TENT5C: variants seen among roughly 807,000 people sequenced by gnomAD.
TENT5C encodes the protein family with sequence similarity 46 member C.
In TENT5C, 5 loss-of-function variants were observed where a neutral mutation model predicts 22.2. The observed-to-expected ratio is 0.22, with a 90% confidence interval of 0.12 to 0.47. The LOEUF (loss-of-function observed/expected upper bound fraction) is 0.47, where lower values mean the gene tolerates loss of function less well. Ranked by LOEUF, TENT5C falls within the 20% of genes least tolerant of loss-of-function variation. The probability of loss-of-function intolerance (pLI) is 0.99; values close to 1 mark genes in which losing one functional copy is unlikely to be tolerated. For synonymous variants in TENT5C, 199 were observed against 195.4 expected (o/e 1.02, Z -0.15); for missense variants, 364 against 500.9 (o/e 0.73, Z 2.61).
At chr1:117,612,608 G>C (rs552777789) in intron 1 of TENT5C, among the ~76,000 whole-genome samples, 38 of 152,294 alleles carry the variant, frequency 2.5e-4, no homozygotes, top group African/African-American at 9.1e-4. Context: ...CGCAGTACCT[G>C]GAGGCCCGGA....
chr1:117,620,531 C>T (rs1417636820), intron 1 of TENT5C, among the ~76,000 whole-genome samples: 3 of 152,148 alleles, frequency 2.0e-5, no homozygotes, highest in Admixed American at 6.5e-5. Flanking sequence ...AAGCCAGCCC[C>T]GTAACTTTCT....
rs1177041297 is a variant in TENT5C at position 117,624,555 on chromosome 1, T to C, written c.*511T>C. The C allele has an allele frequency of 4.0e-6, 1 of 249,668 alleles. No individual in the cohort carries two copies. Among genetic ancestry groups the C allele is most frequent in the Non-Finnish European group, 8.4e-6 (1 of 119,312 alleles). 15.5% of individuals were successfully genotyped at this position (249,668 alleles called of 1,614,324 possible). A position where few individuals can be genotyped will look rare whatever the true frequency, so the allele number is the denominator to read the frequency against. On this transcript the variant is annotated 3_prime_UTR_variant, in exon 2 of 2. Transcript: ENST00000369448. ...TAAACATGAGGGTGCTCTTGTGACT[T>C]AATTTTTGTTCAAGGGACTAAATTG...
intron 1 of TENT5C, among the ~76,000 whole-genome samples, chr1:117,621,250 G>T (rs1570862865): frequency 6.6e-6 from 1 of 152,102 alleles, no homozygotes; most frequent in Admixed American, 6.5e-5. Context: ...CACATACTCA[G>T]CCCGCTGCTT....
At chr1:117,622,620 C>A (rs987180685) in intron 1 of TENT5C, among the ~76,000 whole-genome samples, 13 of 152,178 alleles carry the variant, frequency 8.5e-5, no homozygotes, top group African/African-American at 2.7e-4. Flanking sequence ...ATGAAATAAT[C>A]TAAAGTAATA....
At chr1:117,622,781 C>T (rs1653922514) in intron 1 of TENT5C, 61 bp from the exon 2 acceptor site, 2 of 1,158,296 alleles carry the variant, frequency 1.7e-6, no homozygotes, top group Admixed American at 4.2e-5. Flanking sequence ...GTGTGAGTTC[C>T]TCGAGCTGCT....
At chr1:117,617,596 A>G (rs1052741967) in intron 1 of TENT5C, among the ~76,000 whole-genome samples, 1 of 152,220 alleles carries the variant, frequency 6.6e-6, no homozygotes, top group African/African-American at 2.4e-5. Context: ...AAACAGTAAA[A>G]GGGAAATGAA....
chr1:117,624,166 T>TC lies in TENT5C; in HGVS notation c.*122_*123insC. The TC allele has an allele frequency of 1.9e-6, 1 of 537,880 alleles. No homozygotes were observed. Among genetic ancestry groups the TC allele is most frequent in the Non-Finnish European group, 2.9e-6 (1 of 340,494 alleles). 33.3% of individuals were successfully genotyped at this position (537,880 alleles called of 1,614,324 possible). On this transcript the variant is annotated 3_prime_UTR_variant, in exon 2 of 2. Coordinates refer to ENST00000369448, the MANE Select transcript of TENT5C (RefSeq NM_017709.4). ...AGGGGAACTCAGCTCTGATTCTGCTTTTTTTTTTTTTTTTCCTTTGTGTAC... is the reference window on the plus strand; with the variant it reads ...AGGGGAACTCAGCTCTGATTCTGCTTCTTTTTTTTTTTTTTCCTTTGTGTAC...
intron 1 of TENT5C, among the ~76,000 whole-genome samples, chr1:117,618,541 A>G (rs1425303451): frequency 1.3e-5 from 2 of 148,526 alleles, no homozygotes; most frequent in African/African-American, 4.9e-5. Context: ...GAAGCTTCCA[A>G]GTGTACTTAA....
intron 1 of TENT5C, among the ~76,000 whole-genome samples, chr1:117,612,403 A>G (rs1653689433): frequency 6.6e-6 from 1 of 151,912 alleles, no homozygotes; most frequent in Admixed American, 6.6e-5. Flanking sequence ...TAGAATTTCA[A>G]GGAACTGCTG....
intron 1 of TENT5C, among the ~76,000 whole-genome samples, chr1:117,615,372 T>C (rs1174351597): frequency 6.6e-6 from 1 of 152,222 alleles, no homozygotes; most frequent in Admixed American, 6.5e-5. Flanking sequence ...CAGTTTACAA[T>C]TTGCACATCC....
Position 117,623,272 on chromosome 1 carries a change from A to G in TENT5C, c.404A>G (p.Lys135Arg), listed in dbSNP as rs2101080003. The G allele has an allele frequency of 1.9e-6, 3 of 1,614,158 alleles. No individual in the cohort carries two copies. Among genetic ancestry groups the G allele is most frequent in the African/African-American group, 2.7e-5 (2 of 75,042 alleles). The change falls in exon 2 of 2, where the codon AAG becomes AGG. Residue 135 changes from lysine (K) to arginine (R), a missense_variant. Lys to Arg is a conservative substitution (Grantham distance 26). Coordinates refer to ENST00000369448, the MANE Select transcript of TENT5C (RefSeq NM_017709.4). Reference protein sequence around the residue: ...NKLKISPVTLKEAYVQKLVKV... With the variant: ...NKLKISPVTLREAYVQKLVKV... Reference sequence around the variant, plus strand: ...CTCAAAATCAGTCCAGTCACTCTGAAGGAGGCATATGTGCAGAAGCTAGTG... The same window carrying G: ...CTCAAAATCAGTCCAGTCACTCTGAGGGAGGCATATGTGCAGAAGCTAGTG...
chr1:117,606,610 C>G (rs903657836), intron 1 of TENT5C, among the ~76,000 whole-genome samples: 1 of 152,182 alleles, frequency 6.6e-6, no homozygotes, highest in Non-Finnish European at 1.5e-5. Flanking sequence ...GGGCTCGCCC[C>G]GGCGCTCCCG....
rs752792421 is a variant in TENT5C at position 117,623,563 on chromosome 1, C to T, written c.695C>T (p.Ala232Val). ...GACCATCTGCAGAACAGACTGATCGCCACCAAGAACCCAGAAGAAATCAGA... is the reference window on the plus strand; with the variant it reads ...GACCATCTGCAGAACAGACTGATCGTCACCAAGAACCCAGAAGAAATCAGA... ...AFDHLQNRLI[A>V]TKNPEEIRGG... The change falls in exon 2 of 2, where the codon GCC becomes GTC. Residue 232 changes from alanine to valine, a missense_variant. Transcript: ENST00000369448. 4 of 1,613,988 alleles carry T rather than the reference C, an allele frequency of 2.5e-6. No individual in the cohort carries two copies. The highest frequency in any genetic ancestry group is 1.3e-5 in the African/African-American group (1 of 74,988).
intron 1 of TENT5C, among the ~76,000 whole-genome samples, chr1:117,611,739 C>T (rs768210415): frequency 6.6e-6 from 1 of 152,008 alleles, no homozygotes; most frequent in Non-Finnish European, 1.5e-5. Context: ...ACCAGCTACT[C>T]AGGAGGCTGA....
In TENT5C at chr1:117,622,858, A is replaced by G; in HGVS notation, c.-11A>G. ...CACTTTCAGTTTCCCCAGCCAGAAC[A>G]TCCCCTGAAGATGGCAGAGGAGAGC... On this transcript the variant is annotated 5_prime_UTR_variant, in exon 2 of 2. Transcript: ENST00000369448. 1 of 1,601,988 alleles carries G rather than the reference A, an allele frequency of 6.2e-7. No individual in the cohort carries two copies. Among genetic ancestry groups the G allele is most frequent in the Non-Finnish European group, 8.5e-7 (1 of 1,170,022 alleles).
rs1191724503 is a variant in TENT5C, at chr1:117,625,578, T to A, written c.*1534T>A. The A allele has an allele frequency of 4.0e-6, 1 of 248,016 alleles. No individual in the cohort carries two copies. Among genetic ancestry groups the A allele is most frequent in the Non-Finnish European group, 8.5e-6 (1 of 118,146 alleles). 15.4% of individuals were successfully genotyped at this position (248,016 alleles called of 1,614,324 possible). A position where few individuals can be genotyped will look rare whatever the true frequency, so the allele number is the denominator to read the frequency against. ...CTCAATATTGCCAGCCAGCTTGGGT[T>A]CTAAAGTGATTTAATCAAATTCATG... On this transcript the variant is annotated 3_prime_UTR_variant, in exon 2 of 2. Transcript: ENST00000369448.
rs986181310 is a variant in TENT5C, at chr1:117,624,433, A to G, written c.*389A>G. ...CTTGTTTTCTCACTTGAGCCCGGGTAGGCTGTGTTGGCCCTCACTTGGGAT... is the reference window on the plus strand; with the variant it reads ...CTTGTTTTCTCACTTGAGCCCGGGTGGGCTGTGTTGGCCCTCACTTGGGAT... On this transcript the variant is annotated 3_prime_UTR_variant, in exon 2 of 2. Transcript: ENST00000369448. 3.8e-6 allele frequency: 1 copy of G among 266,624 alleles called. No individual in the cohort carries two copies. The highest frequency in any genetic ancestry group is 1.2e-3 in the Middle Eastern group (1 of 852). The allele number at this position is 266,624 out of a possible 1,614,324, so 16.5% of individuals were successfully genotyped here. A position where few individuals can be genotyped will look rare whatever the true frequency, so the allele number is the denominator to read the frequency against.
Position 117,626,371 on chromosome 1 carries a change from CTT to C in TENT5C, c.*2329_*2330del. ...TTGCGAGAAAGACCCAGTCCCCAGT[CTT>C]TGCCACCATTGCACCATGGTTGTCT... On this transcript the variant is annotated 3_prime_UTR_variant, in exon 2 of 2. Transcript: ENST00000369448. 1 of 248,000 alleles carries C rather than the reference CTT, an allele frequency of 4.0e-6. No individual in the cohort carries two copies. Among genetic ancestry groups the C allele is most frequent in the South Asian group, 1.8e-4 (1 of 5,522 alleles). 15.4% of individuals were successfully genotyped at this position (248,000 alleles called of 1,614,324 possible).
At chr1:117,615,960 G>A (rs142220364) in intron 1 of TENT5C, among the ~76,000 whole-genome samples, 21 of 152,282 alleles carry the variant, frequency 1.4e-4, no homozygotes, top group Non-Finnish European at 1.8e-4. Flanking sequence ...GACCAATAAC[G>A]TCTGTTTTAG....
Sources: allele counts gnomAD v4.1 joint callset (sites outside exome capture counted in the v4.1 genomes callset), GRCh38; gene constraint gnomAD v4.1.1; transcripts MANE v1.5; gene names NCBI Gene and HGNC (gene_info 2026-07-23, HGNC 2026-07-21).